PDGFD: variants seen among roughly 807,000 people sequenced by gnomAD.
The protein encoded by PDGFD is platelet derived growth factor D, also known as platelet-derived growth factor D.
A neutral mutation model predicts 44.7 loss-of-function variants in PDGFD; 30 were observed. The observed-to-expected ratio is 0.67, with a 90% CI of 0.50 to 0.91. PDGFD has a LOEUF of 0.91. Ranked by LOEUF, PDGFD falls within the 40% of genes least tolerant of loss-of-function variation. The pLI is 0.00. For synonymous variants in PDGFD, 173 were observed against 168.4 expected, an observed-to-expected ratio of 1.03 and a Z score of -0.21; for missense variants, 445 against 457.8, an observed-to-expected ratio of 0.97 and a Z score of 0.25.
At chr11:104,037,444 C>T (rs114077203) in intron 1 of PDGFD, 8 of 1,613,912 alleles carry the variant, frequency 5.0e-6, no homozygotes, top group African/African-American at 2.7e-5. Context: ...CCCACTGGAT[C>T]GGGAAGCTCA....
Position 104,034,833 on chromosome 11 carries a change from A to G in PDGFD, c.125-34578T>C, listed in dbSNP as rs371923237. 3.2e-4 allele frequency among the ~76,000 whole-genome samples: 48 copies of G among 152,140 alleles called. No homozygotes were observed. In the East Asian group the frequency reaches 7.7e-3, roughly 25 times the overall value. ...AATTTTTTGTATTTTTAGTAGAGAC[A>G]GGGTTTCACCATGTTAGCCAGGATG... On this transcript the variant is annotated intron_variant, in intron 1 of 6. Coordinates refer to ENST00000393158, the MANE Select transcript of PDGFD (RefSeq NM_025208.5).
chr11:104,021,451 G>T (rs1405950235), intron 1 of PDGFD, among the ~76,000 whole-genome samples: 1 of 152,142 alleles, frequency 6.6e-6, no homozygotes, highest in Admixed American at 6.5e-5. Flanking sequence ...AATGTGAATT[G>T]ACTGAGACAA....
Position 103,919,524 on chromosome 11 carries a change from T to TTC in PDGFD, c.987+7387_987+7388insGA, listed in dbSNP as rs1290581527. On this transcript the variant is annotated intron_variant, in intron 6 of 6. Transcript: ENST00000393158. ...TTCCTTTTTTTTTTTTTTTTTTTTT[T>TTC]TGAGATGGAGTTTCAGTCTTCTTGC... is the stretch of plus-strand genomic sequence containing the variant. Among the ~76,000 whole-genome samples the TTC allele has an allele frequency of 2.7e-5, 4 of 148,800 alleles. No individual in the cohort carries two copies. The East Asian group carries it at 7.9e-4, about 29-fold the overall frequency.
At chr11:104,079,651 T>G (rs1429371379) in intron 1 of PDGFD, among the ~76,000 whole-genome samples, 2 of 152,140 alleles carry the variant, frequency 1.3e-5, no homozygotes, top group Non-Finnish European at 2.9e-5. Context: ...CCTCCCAAAG[T>G]GCTGGGATTA....
intron 1 of PDGFD, among the ~76,000 whole-genome samples, chr11:104,027,225 G>A (rs1055028119): frequency 6.6e-6 from 1 of 152,210 alleles, no homozygotes; most frequent in Admixed American, 6.5e-5. Flanking sequence ...AGATTGTTAT[G>A]AACATTCTGC....
At chr11:104,002,082 T>C (rs1172887262) in intron 1 of PDGFD, among the ~76,000 whole-genome samples, 1 of 152,184 alleles carries the variant, frequency 6.6e-6, no homozygotes, top group Non-Finnish European at 1.5e-5. Flanking sequence ...CCTGCAGTCA[T>C]GGCAGCACTT....
chr11:104,113,877 A>T (rs550952396), intron 1 of PDGFD, among the ~76,000 whole-genome samples: 17 of 152,094 alleles, frequency 1.1e-4, no homozygotes, highest in African/African-American at 3.6e-4. Context: ...ATGATTTCAT[A>T]TGCTTATTTT....
At chr11:103,958,063 C>A (rs559775604) in intron 3 of PDGFD, among the ~76,000 whole-genome samples, 1 of 151,790 alleles carries the variant, frequency 6.6e-6, no homozygotes, top group East Asian at 1.9e-4. Flanking sequence ...AAAAAAAAAA[C>A]TCTGTGATTA....
rs1435049971 is a variant in PDGFD, at chr11:103,947,644, G to A, written c.573+18C>T. 6.2e-7 allele frequency: 1 copy of A among 1,601,640 alleles called. No homozygotes were observed. Among genetic ancestry groups the A allele is most frequent in the African/African-American group, 1.3e-5 (1 of 74,692 alleles). On this transcript the variant is annotated intron_variant, in intron 4 of 6. Transcript: ENST00000393158. ...CCATCCGTTTCTTTTGCTGGCAACAGAGTAATAAATTACTTACTGAAATAG... is the reference window on the plus strand; with the variant it reads ...CCATCCGTTTCTTTTGCTGGCAACAAAGTAATAAATTACTTACTGAAATAG...
Position 103,943,388 on chromosome 11 carries a change from A to ACC in PDGFD, c.772+63_772+64insGG. The ACC allele has an allele frequency of 2.1e-6, 3 of 1,452,580 alleles. No homozygotes were observed. In the South Asian group the frequency reaches 3.6e-5, roughly 18 times the overall value. The allele number at this position is 1,452,580 out of a possible 1,614,324, so 90.0% of individuals were successfully genotyped here. A position where few individuals can be genotyped will look rare whatever the true frequency, so the allele number is the denominator to read the frequency against. On this transcript the variant is annotated intron_variant, in intron 5 of 6. Transcript: ENST00000393158. ...GTTTCAAATACTTTGGATAAGGGAT[A>ACC]CTCAGCTTGTACTGTTAAGATTTCT... is the stretch of plus-strand genomic sequence containing the variant.
intron 1 of PDGFD, among the ~76,000 whole-genome samples, chr11:104,034,567 T>G (rs1860187400): frequency 6.6e-6 from 1 of 151,796 alleles, no homozygotes; most frequent in Non-Finnish European, 1.5e-5. Flanking sequence ...GCAGAGGATA[T>G]CGACTATCTT....
intron 1 of PDGFD, among the ~76,000 whole-genome samples, chr11:104,030,715 G>T (rs1206755494): frequency 2.0e-5 from 3 of 152,220 alleles, no homozygotes; most frequent in Admixed American, 6.5e-5. Flanking sequence ...AAGAGAAAGA[G>T]GTCAAGCAAG....
intron 1 of PDGFD, among the ~76,000 whole-genome samples, chr11:104,119,197 TATATAATATATTA>T (rs1409939329): frequency 0.052 from 327 of 6,336 alleles, 5 homozygotes; most frequent in Middle Eastern, 0.17. Flanking sequence ...ATTGATATAA[TATATAATATATTA>T]ATATAATATA....
intron 1 of PDGFD, among the ~76,000 whole-genome samples, chr11:104,144,878 C>G (rs972118275): frequency 2.0e-5 from 3 of 152,084 alleles, no homozygotes; most frequent in Non-Finnish European, 2.9e-5. Flanking sequence ...CCTTCCAGAG[C>G]TAAAATTTAG....
intron 1 of PDGFD, among the ~76,000 whole-genome samples, chr11:104,098,614 T>G (rs887799419): frequency 6.6e-6 from 1 of 151,204 alleles, no homozygotes; most frequent in African/African-American, 2.4e-5. Context: ...CCTCAAGAGA[T>G]CCTCCTGCCT....
intron 1 of PDGFD, among the ~76,000 whole-genome samples, chr11:104,061,658 G>A (rs1383708968): frequency 6.6e-6 from 1 of 152,124 alleles, no homozygotes; most frequent in Non-Finnish European, 1.5e-5. Context: ...TATCCAGGCT[G>A]GAGTGCAGTG....
chr11:103,979,860 G>C (rs1283702211), intron 3 of PDGFD, among the ~76,000 whole-genome samples: 1 of 152,000 alleles, frequency 6.6e-6, no homozygotes, highest in East Asian at 1.9e-4. Context: ...TCTTACAAAA[G>C]GTTCAGAAGA....
At chr11:104,005,804 T>C (rs74769429) in intron 1 of PDGFD, among the ~76,000 whole-genome samples, 454 of 152,316 alleles carry the variant, frequency 3.0e-3, no homozygotes, top group African/African-American at 0.01. Context: ...AGAGCACACA[T>C]GCTTAACCAG....
At chr11:104,104,616 C>T (rs900850054) in intron 1 of PDGFD, among the ~76,000 whole-genome samples, 2 of 152,008 alleles carry the variant, frequency 1.3e-5, no homozygotes, top group African/African-American at 4.8e-5. Context: ...AAGCTACAAA[C>T]CATCTATAGC....
Sources: allele counts gnomAD v4.1 joint callset (sites outside exome capture counted in the v4.1 genomes callset), GRCh38; gene constraint gnomAD v4.1.1; transcripts MANE v1.5; gene names NCBI Gene and HGNC (gene_info 2026-07-23, HGNC 2026-07-21).